Variants in ZFYVE9 observed in about 807,000 individuals in gnomAD.
The protein encoded by ZFYVE9 is zinc finger FYVE domain-containing protein 9.
ZFYVE9 carries 43 observed loss-of-function variants against 126.7 expected under a neutral mutation model. The observed-to-expected ratio is 0.34, with a 90% CI of 0.27 to 0.44. The LOEUF is 0.44. ZFYVE9 is among the 20% of genes least tolerant of loss of function. The pLI, the probability that ZFYVE9 is intolerant of heterozygous loss-of-function variation, is 1.00. For missense variants in ZFYVE9, 1,476 were observed against 1,697.0 expected, an observed-to-expected ratio of 0.87 and a Z score of 2.29; for synonymous variants, 521 against 597.4, an observed-to-expected ratio of 0.87 and a Z score of 1.87.
intron 10 of ZFYVE9, among the ~76,000 whole-genome samples, chr1:52,283,356 C>T (rs1329959440): frequency 6.6e-6 from 1 of 152,058 alleles, no homozygotes; most frequent in Non-Finnish European, 1.5e-5. Context: ...CAATGAAGAA[C>T]CATTGAAAGT....
intron 1 of ZFYVE9, among the ~76,000 whole-genome samples, chr1:52,212,864 T>G (rs1397894483): frequency 6.6e-6 from 1 of 152,242 alleles, no homozygotes; most frequent in East Asian, 1.9e-4. Flanking sequence ...ACTATGTGAT[T>G]AATTATTGTA....
At chr1:52,245,659 G>A (rs925878262) in intron 4 of ZFYVE9, among the ~76,000 whole-genome samples, 1 of 152,074 alleles carries the variant, frequency 6.6e-6, no homozygotes. Flanking sequence ...GAACCAAAAG[G>A]GAGCTAGCAT....
chr1:52,207,387 A>T (rs1160256634), intron 1 of ZFYVE9, among the ~76,000 whole-genome samples: 2 of 152,158 alleles, frequency 1.3e-5, no homozygotes, highest in Admixed American at 1.3e-4. Context: ...CTAGGTGAAA[A>T]CACTCACCTT....
At chr1:52,246,521 GT>G (rs984262938) in intron 4 of ZFYVE9, among the ~76,000 whole-genome samples, 1 of 145,956 alleles carries the variant, frequency 6.9e-6, no homozygotes, top group South Asian at 2.2e-4. Flanking sequence ...TTTTTATCCT[GT>G]TTTTTTTCCT....
chr1:52,297,665 T>A (rs1408465789), intron 12 of ZFYVE9, among the ~76,000 whole-genome samples: 1 of 152,158 alleles, frequency 6.6e-6, no homozygotes, highest in Non-Finnish European at 1.5e-5. Context: ...CCTCCCTCTG[T>A]GATGCTTAAA....
chr1:52,327,842 C>T (rs1163746448), intron 13 of ZFYVE9, among the ~76,000 whole-genome samples: 5 of 151,686 alleles, frequency 3.3e-5, no homozygotes, highest in African/African-American at 9.7e-5. Flanking sequence ...CGGGTGGTGG[C>T]GGGCGCCTGC....
chr1:52,183,132 G>T (rs1449513374), intron 1 of ZFYVE9, among the ~76,000 whole-genome samples: 11 of 152,276 alleles, frequency 7.2e-5, no homozygotes, highest in Non-Finnish European at 5.9e-5. Context: ...AGAGGGAAAT[G>T]TAGGGTTGAA....
intron 13 of ZFYVE9, among the ~76,000 whole-genome samples, chr1:52,311,539 A>G (rs1305168910): frequency 2.0e-5 from 3 of 152,090 alleles, no homozygotes; most frequent in African/African-American, 7.2e-5. Flanking sequence ...TGCTGGGATT[A>G]TAGGCGTGAG....
chr1:52,253,263 A>C (rs1180268321), intron 4 of ZFYVE9, among the ~76,000 whole-genome samples: 2 of 152,216 alleles, frequency 1.3e-5, no homozygotes, highest in Non-Finnish European at 2.9e-5. Flanking sequence ...CAACTGGCCA[A>C]GTGTCTTTAT....
At chr1:52,156,450 C>T (rs898265509) in intron 1 of ZFYVE9, among the ~76,000 whole-genome samples, 1 of 152,272 alleles carries the variant, frequency 6.6e-6, no homozygotes, top group Admixed American at 6.5e-5. Context: ...TTTACCTCTG[C>T]CCCCTACACA....
At chr1:52,243,403 C>T (rs1645354671) in intron 4 of ZFYVE9, among the ~76,000 whole-genome samples, 1 of 152,138 alleles carries the variant, frequency 6.6e-6, no homozygotes, top group African/African-American at 2.4e-5. Context: ...TCAAGGTTGA[C>T]ACATAAAGGT....
intron 1 of ZFYVE9, among the ~76,000 whole-genome samples, chr1:52,156,778 T>G (rs1347648109): frequency 6.6e-6 from 1 of 152,182 alleles, no homozygotes; most frequent in African/African-American, 2.4e-5. Context: ...CAAGTCAGAC[T>G]CTGTGACCCA....
chr1:52,338,382 C>T (rs1170931867), intron 16 of ZFYVE9, among the ~76,000 whole-genome samples: 1 of 152,202 alleles, frequency 6.6e-6, no homozygotes, highest in African/African-American at 2.4e-5. Flanking sequence ...TCTTGGGCTT[C>T]AAACTCTGTA....
At position 52,266,849 on chromosome 1, in the gene ZFYVE9, A is replaced by G. The variant is rs753663887; in HGVS notation, c.2455+18A>G. ...AGCAGAAGGTAGGGGATCATGTGCTATTCTCTCTCTTTTTCCTCACGAAGT... is the reference window on the plus strand; with the variant it reads ...AGCAGAAGGTAGGGGATCATGTGCTGTTCTCTCTCTTTTTCCTCACGAAGT... On this transcript the variant is annotated intron_variant, in intron 6 of 18. Coordinates refer to ENST00000287727, the MANE Select transcript of ZFYVE9 (RefSeq NM_004799.4). 1.9e-6 allele frequency: 3 copies of G among 1,556,602 alleles called. No homozygotes were observed. Among genetic ancestry groups the G allele is most frequent in the Non-Finnish European group, 2.6e-6 (3 of 1,153,884 alleles).
At chr1:52,195,406 A>G (rs934573912) in intron 1 of ZFYVE9, among the ~76,000 whole-genome samples, 2 of 152,142 alleles carry the variant, frequency 1.3e-5, no homozygotes, top group African/African-American at 4.8e-5. Flanking sequence ...TTTTGCCTCC[A>G]TTTCTTCATT....
chr1:52,149,894 T>C (rs1644338028), intron 1 of ZFYVE9, among the ~76,000 whole-genome samples: 1 of 152,222 alleles, frequency 6.6e-6, no homozygotes, highest in Admixed American at 6.5e-5. Context: ...AAACAGTAGT[T>C]CTGGAGCCTT....
At chr1:52,205,963 C>G (rs1644974332) in intron 1 of ZFYVE9, among the ~76,000 whole-genome samples, 1 of 152,074 alleles carries the variant, frequency 6.6e-6, no homozygotes. Context: ...AGTTTAGGGT[C>G]TGATCTTTGA....
At chr1:52,334,577 A>C in intron 14 of ZFYVE9, 111 bp from the exon 15 acceptor site, 1 of 1,124,504 alleles carries the variant, frequency 8.9e-7, no homozygotes, top group South Asian at 1.4e-5. Flanking sequence ...ATTTTTTAAA[A>C]TTTTCTGTGT....
At chr1:52,196,725 A>T (rs963264981) in intron 1 of ZFYVE9, among the ~76,000 whole-genome samples, 3 of 152,146 alleles carry the variant, frequency 2.0e-5, no homozygotes, top group African/African-American at 7.2e-5. Flanking sequence ...AATAGGAGAA[A>T]TTTTTTAGTG....
Sources: gnomAD v4.1 joint callset for allele counts (sites outside exome capture counted in the v4.1 genomes callset) on GRCh38, gnomAD v4.1.1 for gene constraint, MANE v1.5 for transcripts, NCBI Gene and HGNC (gene_info 2026-07-23, HGNC 2026-07-21) for gene names.